Variants in KANK1 observed in about 807,000 individuals in gnomAD.
The protein encoded by KANK1 is KN motif and ankyrin repeat domains 1.
Under a neutral mutation model 106.2 loss-of-function variants are expected in KANK1, and 109 were observed. The observed-to-expected ratio is 1.03, with a 90% CI of 0.88 to 1.20. The LOEUF (loss-of-function observed/expected upper bound fraction) is 1.20, where lower values mean the gene tolerates loss of function less well. KANK1 is among the 50% of genes most tolerant of loss of function. The pLI, the probability that KANK1 is intolerant of heterozygous loss-of-function variation, is 0.00. For synonymous variants in KANK1, 873 were observed against 652.2 expected (o/e 1.34, Z -5.16); for missense variants, 2,399 against 1,710.7 (o/e 1.40, Z -7.10).
chr9:494,638 C>T (rs1171154944), intron 3 of KANK1, among the ~76,000 whole-genome samples: 1 of 152,186 alleles, frequency 6.6e-6, no homozygotes, highest in South Asian at 2.1e-4. Context: ...CACTATGGAG[C>T]AATACACGTG....
chr9:613,266 A>G (rs1051247728), intron 1 of KANK1, among the ~76,000 whole-genome samples: 13 of 151,036 alleles, frequency 8.6e-5, no homozygotes, highest in Non-Finnish European at 2.9e-5. Context: ...AGTAGTCACC[A>G]TATAGGGACA....
At chr9:573,392 C>T (rs1054538349) in intron 1 of KANK1, among the ~76,000 whole-genome samples, 1 of 152,112 alleles carries the variant, frequency 6.6e-6, no homozygotes, top group African/African-American at 2.4e-5. Context: ...GCCTCAGCTT[C>T]CCGAGTAGCT....
intron 3 of KANK1, among the ~76,000 whole-genome samples, chr9:727,817 C>T (rs972817045): frequency 5.3e-5 from 8 of 152,034 alleles, no homozygotes; most frequent in Non-Finnish European, 1.2e-4. Flanking sequence ...CATTTTTCCA[C>T]ATCACCCACA....
intron 1 of KANK1, among the ~76,000 whole-genome samples, chr9:657,399 T>G (rs1412097530): frequency 6.6e-6 from 1 of 152,076 alleles, no homozygotes; most frequent in African/African-American, 2.4e-5. Context: ...AGAAGTAGGG[T>G]TCTTGAATCT....
At chr9:698,470 T>C (rs1329185264) in intron 2 of KANK1, among the ~76,000 whole-genome samples, 2 of 152,140 alleles carry the variant, frequency 1.3e-5, no homozygotes, top group Non-Finnish European at 2.9e-5. Context: ...ATCCATTGGT[T>C]TAAAGAAAAA....
chr9:638,840 T>G (rs1389195798), intron 1 of KANK1, among the ~76,000 whole-genome samples: 3 of 152,198 alleles, frequency 2.0e-5, no homozygotes, highest in Non-Finnish European at 4.4e-5. Context: ...GCCATTCAAT[T>G]TGACTGTGTT....
chr9:518,028 T>A (rs1388001345), intron 1 of KANK1, among the ~76,000 whole-genome samples: 4 of 151,556 alleles, frequency 2.6e-5, no homozygotes, highest in Non-Finnish European at 5.9e-5. Context: ...ATGAGCCACC[T>A]TGCCCGGCCA....
intron 1 of KANK1, among the ~76,000 whole-genome samples, chr9:613,526 C>A (rs964416185): frequency 3.9e-5 from 6 of 151,934 alleles, no homozygotes; most frequent in Non-Finnish European, 4.4e-5. Context: ...CAAGACAATT[C>A]TTCTAGTGTG....
intron 1 of KANK1, among the ~76,000 whole-genome samples, chr9:646,067 A>G (rs913211517): frequency 2.0e-5 from 3 of 151,034 alleles, no homozygotes; most frequent in African/African-American, 7.4e-5. Context: ...GTAGACATCT[A>G]ATAAAGTCTT....
intron 1 of KANK1, among the ~76,000 whole-genome samples, chr9:543,182 C>T (rs762563000): frequency 1.6e-4 from 25 of 151,954 alleles, no homozygotes; most frequent in Non-Finnish European, 3.4e-4. Flanking sequence ...AAGTGATAAA[C>T]GGTAATAAGC....
chr9:628,305 C>T, intron 1 of KANK1, among the ~76,000 whole-genome samples: 1 of 152,154 alleles, frequency 6.6e-6, no homozygotes, highest in East Asian at 1.9e-4. Context: ...ACTTGTCAGA[C>T]CTCATCTTGT....
At chr9:688,598 CAAA>C (rs33959316) in intron 2 of KANK1, among the ~76,000 whole-genome samples, 3 of 108,966 alleles carry the variant, frequency 2.8e-5, no homozygotes, top group African/African-American at 3.0e-5. Context: ...GACTCTGTCT[CAAA>C]AAAAAAAAAA....
chr9:692,431 C>G (rs749968041), intron 2 of KANK1, among the ~76,000 whole-genome samples: 1 of 151,280 alleles, frequency 6.6e-6, no homozygotes, highest in Non-Finnish European at 1.5e-5. Context: ...TTTGAAATAG[C>G]AGATCCAAAT....
At chr9:642,675 G>T (rs1041367472) in intron 1 of KANK1, among the ~76,000 whole-genome samples, 2 of 150,622 alleles carry the variant, frequency 1.3e-5, no homozygotes, top group African/African-American at 5.0e-5. Context: ...AACTTTTGTG[G>T]CAGGTAACTC....
intron 2 of KANK1, among the ~76,000 whole-genome samples, chr9:698,764 T>C (rs1821927590): frequency 1.3e-5 from 2 of 152,302 alleles, no homozygotes; most frequent in African/African-American, 2.4e-5. Context: ...GAGTTTGTTA[T>C]ACCTAGACAA....
In KANK1 at chr9:738,470, CA is replaced by C; in HGVS notation, c.3521del (p.Asn1174ThrfsTer5). 6.2e-7 allele frequency: 1 copy of C among 1,614,162 alleles called. No homozygotes were observed. Among genetic ancestry groups the C allele is most frequent in the Non-Finnish European group, 8.5e-7 (1 of 1,180,012 alleles). On this transcript the variant is annotated frameshift_variant, in exon 8 of 12. Transcript: ENST00000382297. LOFTEE classifies it high-confidence loss of function. Reference protein sequence around the residue: ...TALHYSVSHSNFEIVKLLLDA... With the variant: ...TALHYSVSHSXFEIVKLLLDA... ...CCCTCCATTACAGCGTGTCCCACTC[CA>C]ACTTCGAGATTGTGAAGCTGCTGTT...
intron 1 of KANK1, among the ~76,000 whole-genome samples, chr9:538,265 T>A (rs1465156803): frequency 6.6e-6 from 1 of 152,188 alleles, no homozygotes; most frequent in Non-Finnish European, 1.5e-5. Context: ...ATGTAGTAAG[T>A]GCTCAGTAAT....
At chr9:635,601 A>G (rs2136960099) in intron 1 of KANK1, among the ~76,000 whole-genome samples, 1 of 152,286 alleles carries the variant, frequency 6.6e-6, no homozygotes, top group African/African-American at 2.4e-5. Context: ...TTAGAATAGT[A>G]AGAATTCTAT....
At chr9:732,239 A>T (rs1832500809) in intron 5 of KANK1, 139 bp from the exon 6 acceptor site, 1 of 984,264 alleles carries the variant, frequency 1.0e-6, no homozygotes, top group Non-Finnish European at 1.5e-6. Context: ...AATAGACCTT[A>T]CTTTGAACTT....
Sources: gnomAD v4.1 joint callset for allele counts (sites outside exome capture counted in the v4.1 genomes callset) on GRCh38, gnomAD v4.1.1 for gene constraint, MANE v1.5 for transcripts, NCBI Gene and HGNC (gene_info 2026-07-23, HGNC 2026-07-21) for gene names.